CUBN: variants seen among roughly 807,000 people sequenced by gnomAD.
CUBN encodes the protein 460 kDa receptor.
Under a neutral mutation model 405.3 loss-of-function variants are expected in CUBN, and 282 were observed. The ratio of observed to expected loss-of-function variants is 0.70; its 90% CI spans 0.63 to 0.77. CUBN has a LOEUF of 0.77. Ranked by LOEUF, CUBN falls within the 30% of genes least tolerant of loss-of-function variation. The pLI is 0.00. For missense variants in CUBN, 4,514 were observed against 4,475.2 expected, an observed-to-expected ratio of 1.01 and a Z score of -0.25; for synonymous variants, 1,684 against 1,617.0, an observed-to-expected ratio of 1.04 and a Z score of -0.99.
intron 19 of CUBN, among the ~76,000 whole-genome samples, chr10:17,069,312 G>A (rs761849505): frequency 6.6e-6 from 1 of 152,128 alleles, no homozygotes; most frequent in Non-Finnish European, 1.5e-5. Context: ...AAATTTTTGT[G>A]TGGACATATA....
intron 3 of CUBN, among the ~76,000 whole-genome samples, chr10:17,127,445 T>TGAGACGGAG (rs1837225899): frequency 6.8e-6 from 1 of 146,642 alleles, no homozygotes; most frequent in African/African-American, 2.5e-5. Flanking sequence ...TTTTTTTTTT[T>TGAGACGGAG]TTTTTTTTTG....
intron 54 of CUBN, among the ~76,000 whole-genome samples, chr10:16,897,829 T>C (rs1265559793): frequency 2.0e-5 from 3 of 152,112 alleles, no homozygotes; most frequent in Non-Finnish European, 4.4e-5. Context: ...GGGTTCCTAA[T>C]ACATCCCACT....
chr10:17,127,228 G>A (rs7893972), intron 3 of CUBN, among the ~76,000 whole-genome samples: 1 of 126,968 alleles, frequency 7.9e-6, no homozygotes, highest in South Asian at 2.7e-4. Flanking sequence ...CTCTCTCTCT[G>A]TCTCTCTCTC....
intron 54 of CUBN, among the ~76,000 whole-genome samples, chr10:16,893,571 C>T (rs545857376): frequency 1.0e-3 from 154 of 152,290 alleles, no homozygotes; most frequent in African/African-American, 3.5e-3. Flanking sequence ...CTCTGCTTTC[C>T]ATTTCTAAAA....
At chr10:16,893,524 A>G (rs891618869) in intron 54 of CUBN, among the ~76,000 whole-genome samples, 1 of 152,156 alleles carries the variant, frequency 6.6e-6, no homozygotes, top group Non-Finnish European at 1.5e-5. Flanking sequence ...ACCACACACA[A>G]TTTACTCCTA....
chr10:16,979,579 C>A (rs1347890075), intron 31 of CUBN, among the ~76,000 whole-genome samples: 1 of 152,112 alleles, frequency 6.6e-6, no homozygotes, highest in Non-Finnish European at 1.5e-5. Context: ...CTGACAAAAA[C>A]AAGCAATGAG....
intron 28 of CUBN, among the ~76,000 whole-genome samples, chr10:16,999,353 C>T (rs1008906954): frequency 3.9e-5 from 6 of 152,290 alleles, no homozygotes; most frequent in African/African-American, 9.6e-5. Context: ...TACTATCTTT[C>T]GTCTTAACCT....
At chr10:16,971,845 C>T (rs938310076) in intron 31 of CUBN, among the ~76,000 whole-genome samples, 7 of 152,078 alleles carry the variant, frequency 4.6e-5, no homozygotes, top group African/African-American at 1.7e-4. Context: ...TTTTGGTTAA[C>T]CCATTGGTTA....
chr10:17,029,392 CTTAAAACCAAAATTTCTTCTA>C (rs1288570650), intron 27 of CUBN, among the ~76,000 whole-genome samples: 1 of 152,190 alleles, frequency 6.6e-6, no homozygotes, highest in Non-Finnish European at 1.5e-5. Context: ...CTCAGGCAAT[CTTAAAACCAAAATTTCTTCTA>C]AAATGCCTCA....
chr10:17,020,042 C>G (rs1204682825), intron 27 of CUBN, 59 bp from the exon 28 acceptor site: 1 of 1,593,842 alleles, frequency 6.3e-7, no homozygotes, highest in Non-Finnish European at 8.6e-7. Flanking sequence ...ATGGAAAAAT[C>G]CAAGTCTACA....
At chr10:16,837,960 T>C (rs145714409) in intron 62 of CUBN, among the ~76,000 whole-genome samples, 1,781 of 152,250 alleles carry the variant, frequency 0.012, 32 homozygotes, top group African/African-American at 0.041. Context: ...CTGATCCCCA[T>C]TGTCTTAGCT....
At chr10:17,055,426 C>A (rs564971536) in intron 22 of CUBN, among the ~76,000 whole-genome samples, 1 of 151,914 alleles carries the variant, frequency 6.6e-6, no homozygotes, top group Non-Finnish European at 1.5e-5. Flanking sequence ...CACAGCAATA[C>A]ACATACACAG....
chr10:17,111,950 G>C (rs940492402), intron 8 of CUBN, among the ~76,000 whole-genome samples: 1 of 152,128 alleles, frequency 6.6e-6, no homozygotes, highest in Non-Finnish European at 1.5e-5. Context: ...TCATATGGAG[G>C]ATTGGGCTCA....
rs897826209 is a variant in CUBN, at chr10:17,129,791, G to C, written c.-26C>G. ...CAACCTCCCAGGTTGGCAGGTAAGA[G>C]TGAGGCCACTCCAACCAACTGAGCA... On this transcript the variant is annotated 5_prime_UTR_variant, in exon 1 of 67. Coordinates refer to ENST00000377833, the MANE Select transcript of CUBN (RefSeq NM_001081.4). The C allele has an allele frequency of 6.2e-7, 1 of 1,613,184 alleles. No homozygotes were observed. The highest frequency in any genetic ancestry group is 1.3e-5 in the African/African-American group (1 of 74,876).
At position 17,114,267 on chromosome 10, in the gene CUBN, C is replaced by T. The variant is rs1001598691; in HGVS notation, c.721-78G>A. The T allele has an allele frequency of 3.5e-6, 5 of 1,420,824 alleles. No homozygotes were observed. In the East Asian group the frequency reaches 7.0e-5, roughly 20 times the overall value. 88.0% of individuals were successfully genotyped at this position (1,420,824 alleles called of 1,614,324 possible). On this transcript the variant is annotated intron_variant, in intron 7 of 66. Coordinates refer to ENST00000377833, the MANE Select transcript of CUBN (RefSeq NM_001081.4). ...AAGCCTTTGAACATTTCATCAAGCCCCTAACTGTTTATCCTCTAACGTTCA... is the reference window on the plus strand; with the variant it reads ...AAGCCTTTGAACATTTCATCAAGCCTCTAACTGTTTATCCTCTAACGTTCA...
chr10:17,127,431 AT>A (rs71268608), intron 3 of CUBN, among the ~76,000 whole-genome samples: 7,594 of 85,798 alleles, frequency 0.089, 401 homozygotes, highest in African/African-American at 0.24. Flanking sequence ...ATGCCCAGCT[AT>A]TTTTTTTTTT....
At chr10:17,065,191 A>C (rs1365493983) in intron 22 of CUBN, among the ~76,000 whole-genome samples, 3 of 145,012 alleles carry the variant, frequency 2.1e-5, no homozygotes, top group Non-Finnish European at 4.5e-5. Flanking sequence ...ATCTCAGCCA[A>C]TTCAGAGTAC....
intron 31 of CUBN, among the ~76,000 whole-genome samples, chr10:16,968,546 A>G (rs1342219446): frequency 1.3e-5 from 2 of 152,168 alleles, no homozygotes; most frequent in Non-Finnish European, 2.9e-5. Context: ...AGACATTCCA[A>G]TGATCTGAGC....
chr10:17,019,204 C>G (rs1336055945), intron 28 of CUBN, among the ~76,000 whole-genome samples: 2 of 152,174 alleles, frequency 1.3e-5, no homozygotes, highest in South Asian at 2.1e-4. Flanking sequence ...CATTTCAGAT[C>G]TCTTGTTAAA....
Sources: gnomAD v4.1 joint callset for allele counts (sites outside exome capture counted in the v4.1 genomes callset) on GRCh38, gnomAD v4.1.1 for gene constraint, MANE v1.5 for transcripts, NCBI Gene and HGNC (gene_info 2026-07-23, HGNC 2026-07-21) for gene names.